The following ZNF804A variants were observed in gnomAD, a reference collection of about 807,000 sequenced individuals.
ZNF804A encodes the protein zinc finger protein 804A.
ZNF804A carries 2 observed loss-of-function variants against 16.5 expected under a neutral mutation model. That is an observed-to-expected ratio of 0.12 (90% CI 0.05 to 0.38). The LOEUF (loss-of-function observed/expected upper bound fraction) is 0.38. ZNF804A is among the 10% of genes least tolerant of loss of function. ZNF804A has a pLI of 0.99. For missense variants in ZNF804A, 1,473 were observed against 1,390.7 expected, an observed-to-expected ratio of 1.06 and a Z score of -0.94; for synonymous variants, 534 against 489.6, an observed-to-expected ratio of 1.09 and a Z score of -1.20.
intron 1 of ZNF804A, among the ~76,000 whole-genome samples, chr2:184,828,493 T>C (rs1186363991): frequency 1.3e-5 from 2 of 151,798 alleles, no homozygotes; most frequent in East Asian, 1.9e-4. Flanking sequence ...TTTATTTTCC[T>C]TCATTAAAAT....
At chr2:184,768,995 C>T (rs1049785804) in intron 1 of ZNF804A, among the ~76,000 whole-genome samples, 2 of 152,024 alleles carry the variant, frequency 1.3e-5, no homozygotes, top group African/African-American at 4.8e-5. Context: ...AGTGAATATC[C>T]TGCATCTATG....
chr2:184,697,238 G>A (rs186533652), intron 1 of ZNF804A, among the ~76,000 whole-genome samples: 1 of 152,116 alleles, frequency 6.6e-6, no homozygotes, highest in Admixed American at 6.5e-5. Flanking sequence ...CATAGAACTT[G>A]TGGGATTTGT....
At chr2:184,828,113 A>G (rs1174664554) in intron 1 of ZNF804A, among the ~76,000 whole-genome samples, 5 of 151,844 alleles carry the variant, frequency 3.3e-5, no homozygotes, top group African/African-American at 1.2e-4. Context: ...TGGAAGATAC[A>G]GTACATAAGG....
chr2:184,824,273 T>A lies in ZNF804A; in HGVS notation c.112-42096T>A, dbSNP rs991113776. Among the ~76,000 whole-genome samples, 4 of 152,188 alleles carry A rather than the reference T, an allele frequency of 2.6e-5. No individual in the cohort carries two copies. The South Asian group carries it at 8.3e-4, about 31-fold the overall frequency. Reference sequence around the variant, plus strand: ...ACATTTCTGAAAGCCTCCATGACAATATATATTTTTTAAATATTTCAATTA... The same window carrying A: ...ACATTTCTGAAAGCCTCCATGACAAAATATATTTTTTAAATATTTCAATTA... On this transcript the variant is annotated intron_variant, in intron 1 of 3. Transcript: ENST00000302277.
At chr2:184,699,062 C>A (rs1441559583) in intron 1 of ZNF804A, among the ~76,000 whole-genome samples, 8 of 151,942 alleles carry the variant, frequency 5.3e-5, no homozygotes, top group Admixed American at 5.2e-4. Flanking sequence ...GGGTGGACAC[C>A]TGAATAAAAC....
chr2:184,938,635 C>G lies in ZNF804A; in HGVS notation c.3239C>G (p.Pro1080Arg), dbSNP rs1278610335. Reference protein sequence around the residue: ...PPAALPPPSTPLQPLPLQQSL... With the variant: ...PPAALPPPSTRLQPLPLQQSL... Reference sequence around the variant, plus strand: ...GCTGCCCTCCCACCCCCTAGCACACCTCTGCAGCCTTTGCCTTTGCAGCAG... The same window carrying G: ...GCTGCCCTCCCACCCCCTAGCACACGTCTGCAGCCTTTGCCTTTGCAGCAG... The change falls in exon 4 of 4, where the codon CCT becomes CGT. Residue 1080 changes from proline (P) to arginine (R), a missense_variant. By Grantham distance (103) the Pro-to-Arg change is moderately radical. Coordinates refer to ENST00000302277, the MANE Select transcript of ZNF804A (RefSeq NM_194250.2). The G allele has an allele frequency of 2.5e-6, 4 of 1,613,992 alleles. No homozygotes were observed. The highest frequency in any genetic ancestry group is 1.3e-5 in the African/African-American group (1 of 75,014).
intron 1 of ZNF804A, among the ~76,000 whole-genome samples, chr2:184,827,445 TA>T: frequency 6.8e-6 from 1 of 146,712 alleles, no homozygotes; most frequent in South Asian, 2.1e-4. Context: ...ACATAATATA[TA>T]AATATAAATA....
At chr2:184,910,596 T>C (rs886113518) in intron 2 of ZNF804A, among the ~76,000 whole-genome samples, 3 of 152,088 alleles carry the variant, frequency 2.0e-5, no homozygotes, top group Non-Finnish European at 4.4e-5. Flanking sequence ...CCACCAACAG[T>C]GTAGAAGCAT....
At chr2:184,729,753 T>G (rs1278721509) in intron 1 of ZNF804A, among the ~76,000 whole-genome samples, 3 of 152,134 alleles carry the variant, frequency 2.0e-5, no homozygotes, top group Non-Finnish European at 4.4e-5. Flanking sequence ...TACTATAGTG[T>G]CTAGATATCT....
intron 1 of ZNF804A, among the ~76,000 whole-genome samples, chr2:184,633,154 C>T (rs1691640558): frequency 6.6e-6 from 1 of 152,182 alleles, no homozygotes. Context: ...ACAGGAAGCT[C>T]ACTCTGCATT....
intron 1 of ZNF804A, among the ~76,000 whole-genome samples, chr2:184,804,851 G>T (rs191995129): frequency 6.6e-6 from 1 of 152,134 alleles, no homozygotes; most frequent in Non-Finnish European, 1.5e-5. Flanking sequence ...AAATATAGCC[G>T]TACACTTCGC....
intron 1 of ZNF804A, among the ~76,000 whole-genome samples, chr2:184,849,052 A>T (rs1207281097): frequency 6.6e-6 from 1 of 152,038 alleles, no homozygotes; most frequent in Non-Finnish European, 1.5e-5. Flanking sequence ...GTTTGCCACT[A>T]TTACAACTAA....
At chr2:184,637,364 G>C (rs989529599) in intron 1 of ZNF804A, among the ~76,000 whole-genome samples, 1 of 152,004 alleles carries the variant, frequency 6.6e-6, no homozygotes, top group African/African-American at 2.4e-5. Flanking sequence ...TTGAAAACTT[G>C]GTACTCTCTG....
intron 1 of ZNF804A, among the ~76,000 whole-genome samples, chr2:184,749,081 T>C (rs2105757276): frequency 6.6e-6 from 1 of 151,682 alleles, no homozygotes; most frequent in African/African-American, 2.4e-5. Context: ...TCCTTTTTGG[T>C]TCGATATGGA....
At chr2:184,662,348 G>A (rs1692187479) in intron 1 of ZNF804A, among the ~76,000 whole-genome samples, 1 of 152,082 alleles carries the variant, frequency 6.6e-6, no homozygotes, top group Admixed American at 6.6e-5. Context: ...TCATTCCTTG[G>A]AACTGTCAGG....
intron 1 of ZNF804A, among the ~76,000 whole-genome samples, chr2:184,642,151 C>T (rs965678125): frequency 6.6e-6 from 1 of 152,092 alleles, no homozygotes; most frequent in Non-Finnish European, 1.5e-5. Flanking sequence ...ATGTTTGTGG[C>T]ACTATTTTTT....
At chr2:184,912,340 T>A (rs1685373292) in intron 2 of ZNF804A, among the ~76,000 whole-genome samples, 1 of 152,066 alleles carries the variant, frequency 6.6e-6, no homozygotes, top group South Asian at 2.1e-4. Context: ...CACAGTTTTG[T>A]CCATTTATTA....
chr2:184,872,947 A>G (rs1695997874), intron 2 of ZNF804A, among the ~76,000 whole-genome samples: 1 of 152,196 alleles, frequency 6.6e-6, no homozygotes, highest in African/African-American at 2.4e-5. Context: ...GATTATATTT[A>G]GAAATTTATT....
At chr2:184,911,438 G>T (rs893639087) in intron 2 of ZNF804A, among the ~76,000 whole-genome samples, 3 of 151,940 alleles carry the variant, frequency 2.0e-5, no homozygotes, top group African/African-American at 7.2e-5. Flanking sequence ...GCTTAAGATT[G>T]TTTTGGCTAT....
Sources: gnomAD v4.1 joint callset for allele counts (sites outside exome capture counted in the v4.1 genomes callset) on GRCh38, gnomAD v4.1.1 for gene constraint, MANE v1.5 for transcripts, NCBI Gene and HGNC (gene_info 2026-07-23, HGNC 2026-07-21) for gene names.